HCN1: variants seen among roughly 807,000 people sequenced by gnomAD.
The protein encoded by HCN1 is potassium/sodium hyperpolarization-activated cyclic nucleotide-gated channel 1.
In HCN1, 13 loss-of-function variants were observed where a neutral mutation model predicts 78.9. The observed-to-expected ratio is 0.16, with a 90% CI of 0.11 to 0.26. The LOEUF (loss-of-function observed/expected upper bound fraction) is 0.26, where lower values mean the gene tolerates loss of function less well. HCN1 is among the 10% of genes least tolerant of loss of function. HCN1 has a pLI of 1.00. For synonymous variants in HCN1, 552 were observed against 455.5 expected (o/e 1.21, Z -2.70); for missense variants, 810 against 1,154.3 (o/e 0.70, Z 4.32).
chr5:45,591,293 T>C (rs1744360132), intron 2 of HCN1, among the ~76,000 whole-genome samples: 1 of 152,200 alleles, frequency 6.6e-6, no homozygotes, highest in African/African-American at 2.4e-5. Context: ...TACCAAGGGA[T>C]AGGATTGCTG....
chr5:45,642,128 A>C (rs1305700783), intron 2 of HCN1: 1 of 152,148 alleles, frequency 6.6e-6, no homozygotes, highest in Non-Finnish European at 1.5e-5. Context: ...TGATTTATCT[A>C]AATTGTCTCT....
At chr5:45,564,159 G>GAAATTTAAATT (rs1339296878) in intron 2 of HCN1, among the ~76,000 whole-genome samples, 2 of 152,036 alleles carry the variant, frequency 1.3e-5, no homozygotes, top group Non-Finnish European at 2.9e-5. Flanking sequence ...CTCCACAAAG[G>GAAATTTAAATT]AAATTTAAAT....
intron 1 of HCN1, among the ~76,000 whole-genome samples, chr5:45,664,339 G>C (rs1416759773): frequency 2.7e-4 from 39 of 143,400 alleles, no homozygotes; most frequent in Non-Finnish European, 4.1e-4. Flanking sequence ...GATAGCATTG[G>C]GAGATATACC....
intron 4 of HCN1, among the ~76,000 whole-genome samples, chr5:45,375,333 T>C (rs1160554255): frequency 8.1e-6 from 1 of 123,594 alleles, no homozygotes; most frequent in African/African-American, 3.1e-5. Flanking sequence ...TATTTTATGA[T>C]ATACAATATA....
chr5:45,397,501 A>G (rs1335908720), intron 3 of HCN1, among the ~76,000 whole-genome samples: 1 of 151,992 alleles, frequency 6.6e-6, no homozygotes, highest in Non-Finnish European at 1.5e-5. Flanking sequence ...AATGTATCTT[A>G]TCTAATTTTT....
chr5:45,524,300 C>A (rs1267366064), intron 2 of HCN1, among the ~76,000 whole-genome samples: 9 of 152,120 alleles, frequency 5.9e-5, no homozygotes, highest in South Asian at 4.1e-4. Flanking sequence ...AGCGTGATGC[C>A]TCCCGCTTTG....
At position 45,512,721 on chromosome 5, in the gene HCN1, A is replaced by G. The variant is rs1011265292; in HGVS notation, c.850-50714T>C. On this transcript the variant is annotated intron_variant, in intron 2 of 7. Coordinates refer to ENST00000303230, the MANE Select transcript of HCN1 (RefSeq NM_021072.4). Reference sequence around the variant, plus strand: ...GGTTACATTGTTGAAAAGATTCTACATGAGCACACTCTGAATCATACAGAG... The same window carrying G: ...GGTTACATTGTTGAAAAGATTCTACGTGAGCACACTCTGAATCATACAGAG... Among the ~76,000 whole-genome samples the G allele has an allele frequency of 2.3e-4, 35 of 152,206 alleles. 1 individual carries two copies. The highest frequency in any genetic ancestry group is 5.3e-4 in the African/African-American group (22 of 41,570).
At chr5:45,604,882 AT>A (rs1240611182) in intron 2 of HCN1, among the ~76,000 whole-genome samples, 7 of 152,030 alleles carry the variant, frequency 4.6e-5, no homozygotes, top group Admixed American at 4.6e-4. Flanking sequence ...CTAAACAGTG[AT>A]TTACTTTAGT....
chr5:45,478,484 G>C (rs1294141885), intron 2 of HCN1, among the ~76,000 whole-genome samples: 1 of 152,142 alleles, frequency 6.6e-6, no homozygotes, highest in Non-Finnish European at 1.5e-5. Context: ...TTGAGCACCT[G>C]CAATACAAAA....
chr5:45,508,122 G>T (rs1742344593), intron 2 of HCN1, among the ~76,000 whole-genome samples: 2 of 152,072 alleles, frequency 1.3e-5, no homozygotes, highest in Non-Finnish European at 2.9e-5. Context: ...AAGCTTAAAA[G>T]CCTACTGTGA....
chr5:45,679,021 C>A (rs1283622423), intron 1 of HCN1, among the ~76,000 whole-genome samples: 2 of 151,838 alleles, frequency 1.3e-5, no homozygotes, highest in Non-Finnish European at 2.9e-5. Context: ...AATTCATATA[C>A]CCAGAACAAA....
chr5:45,359,726 G>A (rs566441023), intron 4 of HCN1, among the ~76,000 whole-genome samples: 1 of 151,786 alleles, frequency 6.6e-6, no homozygotes, highest in East Asian at 1.9e-4. Flanking sequence ...TACAGCATCA[G>A]ATGAAAGGCA....
At position 45,419,394 on chromosome 5, in the gene HCN1, C is replaced by T. The variant is rs147116675; in HGVS notation, c.1012-22684G>A. 7.2e-3 allele frequency among the ~76,000 whole-genome samples: 1,098 copies of T among 152,026 alleles called. 27 individuals are homozygous for T. The highest frequency in any genetic ancestry group is 0.047 in the Admixed American group (715 of 15,264). ...CACACAAGAGTGTGCTAATTAGAAA[C>T]CTAAAGGAGTACTGATAACCAGGAC... On this transcript the variant is annotated intron_variant, in intron 3 of 7. Coordinates refer to ENST00000303230, the MANE Select transcript of HCN1 (RefSeq NM_021072.4).
rs1744774881 is a variant in HCN1 at position 45,262,680 on chromosome 5, G to A, written c.1914C>T (p.Pro638=). ...GGGTTGTCATTTGAGGATAATTGAT[G>A]GGAGCGATTGCCTGCACCATCTCCC... ...HDREMVQAIA[P]INYPQMTTLN... The change falls in exon 8 of 8, where the codon CCC becomes CCT. Residue 638 remains proline, a synonymous_variant. Coordinates refer to ENST00000303230, the MANE Select transcript of HCN1 (RefSeq NM_021072.4). 1 of 1,613,956 alleles carries A rather than the reference G, an allele frequency of 6.2e-7. No homozygotes were observed. Among genetic ancestry groups the A allele is most frequent in the African/African-American group, 1.3e-5 (1 of 74,902 alleles).
At chr5:45,287,887 G>T (rs1472391359) in intron 6 of HCN1, among the ~76,000 whole-genome samples, 1 of 152,006 alleles carries the variant, frequency 6.6e-6, no homozygotes, top group Non-Finnish European at 1.5e-5. Context: ...TACTACACTG[G>T]CCCTTTCGCT....
At chr5:45,649,572 C>G in intron 1 of HCN1, among the ~76,000 whole-genome samples, 1 of 151,832 alleles carries the variant, frequency 6.6e-6, no homozygotes, top group East Asian at 1.9e-4. Flanking sequence ...TCTTTCACCT[C>G]ATTTGTTAGT....
intron 4 of HCN1, among the ~76,000 whole-genome samples, chr5:45,374,395 C>T (rs192024633): frequency 1.2e-3 from 169 of 144,926 alleles, no homozygotes; most frequent in Admixed American, 2.7e-3. Flanking sequence ...GAGACTACCA[C>T]GATGAAGAAA....
intron 4 of HCN1, among the ~76,000 whole-genome samples, chr5:45,366,500 T>C (rs542703280): frequency 6.6e-6 from 1 of 151,894 alleles, no homozygotes; most frequent in South Asian, 2.1e-4. Context: ...ATCTTCTACT[T>C]CATTATTTTA....
chr5:45,603,228 C>A (rs1482742019), intron 2 of HCN1, among the ~76,000 whole-genome samples: 1 of 151,980 alleles, frequency 6.6e-6, no homozygotes, highest in Non-Finnish European at 1.5e-5. Context: ...GCCAAGCATA[C>A]CTTTTCCAAC....
Sources: gnomAD v4.1 joint callset for allele counts (sites outside exome capture counted in the v4.1 genomes callset) on GRCh38, gnomAD v4.1.1 for gene constraint, MANE v1.5 for transcripts, NCBI Gene and HGNC (gene_info 2026-07-23, HGNC 2026-07-21) for gene names.